WASHC5: variants seen among roughly 807,000 people sequenced by gnomAD.
The protein encoded by WASHC5 is WASH complex subunit strumpellin.
In WASHC5, 101 loss-of-function variants were observed where a neutral mutation model predicts 150.4. The observed-to-expected ratio is 0.67, with a 90% confidence interval of 0.57 to 0.79. WASHC5 has a LOEUF of 0.79. Ranked by LOEUF, WASHC5 falls within the 30% of genes least tolerant of loss-of-function variation. WASHC5 has a pLI of 0.00. For synonymous variants in WASHC5, 467 were observed against 491.2 expected, an observed-to-expected ratio of 0.95 and a Z score of 0.65; for missense variants, 1,195 against 1,396.3, an observed-to-expected ratio of 0.86 and a Z score of 2.30.
chr8:125,072,839 T>G (rs1014755587), intron 9 of WASHC5, among the ~76,000 whole-genome samples: 1 of 152,196 alleles, frequency 6.6e-6, no homozygotes, highest in Non-Finnish European at 1.5e-5. Context: ...CTATTCTGCC[T>G]ACCACAGATC....
chr8:125,088,908 T>C (rs1387501151), intron 1 of WASHC5, among the ~76,000 whole-genome samples: 1 of 152,080 alleles, frequency 6.6e-6, no homozygotes, highest in South Asian at 2.1e-4. Flanking sequence ...AGGAATGTGC[T>C]AGATGGCTAG....
At position 125,079,226 on chromosome 8, in the gene WASHC5, C is replaced by G. The variant is rs371986511; in HGVS notation, c.519-296G>C. Among the ~76,000 whole-genome samples, 15 of 103,084 alleles carry G rather than the reference C, an allele frequency of 1.5e-4. No individual in the cohort carries two copies. The East Asian group carries it at 4.4e-3, about 30-fold the overall frequency. 67.6% of individuals were successfully genotyped at this position (103,084 alleles called of 152,430 possible). On this transcript the variant is annotated intron_variant, in intron 5 of 28. Coordinates refer to ENST00000318410, the MANE Select transcript of WASHC5 (RefSeq NM_014846.4). Reference sequence around the variant, plus strand: ...TTTTTTTTTGAGATGGTGTCTTGCTCTGTCACCCAGGCTGGAGTGCAGTGG... The same window carrying G: ...TTTTTTTTTGAGATGGTGTCTTGCTGTGTCACCCAGGCTGGAGTGCAGTGG...
chr8:125,068,604 A>C (rs111805723), intron 9 of WASHC5, among the ~76,000 whole-genome samples: 172 of 152,328 alleles, frequency 1.1e-3, no homozygotes, highest in African/African-American at 3.9e-3. Context: ...CCTGTAGTGA[A>C]TCACTGAAGC....
At chr8:125,076,248 A>G in intron 7 of WASHC5, 100 bp downstream of exon 7, 1 of 1,088,154 alleles carries the variant, frequency 9.2e-7, no homozygotes, top group East Asian at 2.4e-5. Flanking sequence ...GTTATGTCCC[A>G]TTATTTACAA....
rs532020277 is a variant in WASHC5 at position 125,035,816 on chromosome 8, G to T, written c.3181+1421C>A. ...CACCCTAAAAAAGCTTATGAAATAG[G>T]AAAGTACTGTAAGGAAGAAATATAT... is the stretch of plus-strand genomic sequence containing the variant. On this transcript the variant is annotated intron_variant, in intron 26 of 28. Coordinates refer to ENST00000318410, the MANE Select transcript of WASHC5 (RefSeq NM_014846.4). Among the ~76,000 whole-genome samples the T allele has an allele frequency of 2.0e-5, 3 of 152,292 alleles. No individual in the cohort carries two copies. The South Asian group carries it at 6.2e-4, about 32-fold the overall frequency.
chr8:125,051,025 G>A (rs1464391409), intron 17 of WASHC5, among the ~76,000 whole-genome samples: 1 of 152,120 alleles, frequency 6.6e-6, no homozygotes, highest in Admixed American at 6.5e-5. Flanking sequence ...TCTTTTTGGA[G>A]GGGCAGGATG....
Position 125,039,779 on chromosome 8 carries a change from A to G in WASHC5, c.2954+16T>C, listed in dbSNP as rs773286131. 1 of 1,574,232 alleles carries G rather than the reference A, an allele frequency of 6.4e-7. No homozygotes were observed. Among genetic ancestry groups the G allele is most frequent in the South Asian group, 1.1e-5 (1 of 90,270 alleles). ...ATCCAAGCCCACGGATGGCTGTTTC[A>G]AACCCTGGCACTTACTTATTGAGAT... On this transcript the variant is annotated intron_variant, in intron 24 of 28. Coordinates refer to ENST00000318410, the MANE Select transcript of WASHC5 (RefSeq NM_014846.4).
chr8:125,055,260 TA>T (rs1393763986), intron 17 of WASHC5, among the ~76,000 whole-genome samples: 1 of 152,026 alleles, frequency 6.6e-6, no homozygotes, highest in African/African-American at 2.4e-5. Flanking sequence ...TCGTCTCTAT[TA>T]AAAATACAAA....
At chr8:125,053,512 T>TAAG (rs1277105823) in intron 17 of WASHC5, among the ~76,000 whole-genome samples, 2 of 152,186 alleles carry the variant, frequency 1.3e-5, no homozygotes, top group Non-Finnish European at 2.9e-5. Context: ...ATCCTGTGTG[T>TAAG]AAGAAGTGAC....
At chr8:125,068,336 C>A (rs761327745) in intron 9 of WASHC5, among the ~76,000 whole-genome samples, 83 of 152,284 alleles carry the variant, frequency 5.5e-4, no homozygotes, top group Non-Finnish European at 1.0e-3. Context: ...ATGTAAGCAG[C>A]CCCCAATAGA....
intron 27 of WASHC5, among the ~76,000 whole-genome samples, chr8:125,030,637 T>TTA (rs752523861): frequency 1.9e-5 from 1 of 52,788 alleles, no homozygotes; most frequent in Non-Finnish European, 3.6e-5. Flanking sequence ...CTCTTTCTCA[T>TTA]AAAAAAAAAA....
At position 125,024,539 on chromosome 8, in the gene WASHC5, T is replaced by C. The variant is rs188863489; in HGVS notation, c.*78A>G. On this transcript the variant is annotated 3_prime_UTR_variant, in exon 29 of 29. Transcript: ENST00000318410. Reference sequence around the variant, plus strand: ...ATGCAGTTGTATGAGCAACTGAGTTTCTTTTCATCTTCAAATTCATTTGTG... The same window carrying C: ...ATGCAGTTGTATGAGCAACTGAGTTCCTTTTCATCTTCAAATTCATTTGTG... The C allele has an allele frequency of 3.2e-4, 358 of 1,131,868 alleles. 3 individuals carry two copies. The highest frequency in any genetic ancestry group is 3.4e-4 in the Admixed American group (20 of 58,618). 70.1% of individuals were successfully genotyped at this position (1,131,868 alleles called of 1,614,324 possible). A position where few individuals can be genotyped will look rare whatever the true frequency, so the allele number is the denominator to read the frequency against.
intron 28 of WASHC5, among the ~76,000 whole-genome samples, chr8:125,027,121 C>T (rs1475445547): frequency 6.6e-6 from 1 of 152,036 alleles, no homozygotes; most frequent in Non-Finnish European, 1.5e-5. Flanking sequence ...GGTCCTTTTT[C>T]ACACTGTATT....
rs552854570 is a variant in WASHC5 at position 125,049,292 on chromosome 8, CT to C, written c.2200-108del. ...TAGTATAGCAGGCCAGATGCGGTGGCTCCCACCTGTAACCCCAGCACTTTGG... is the reference window on the plus strand; with the variant it reads ...TAGTATAGCAGGCCAGATGCGGTGGCCCCACCTGTAACCCCAGCACTTTGG... On this transcript the variant is annotated intron_variant, in intron 18 of 28. Transcript: ENST00000318410. The C allele has an allele frequency of 1.1e-4, 132 of 1,190,604 alleles. No individual in the cohort carries two copies. In the African/African-American group the frequency reaches 1.5e-3, roughly 13 times the overall value. 73.8% of individuals were successfully genotyped at this position (1,190,604 alleles called of 1,614,324 possible).
chr8:125,061,639 G>A (rs16900307), intron 11 of WASHC5, among the ~76,000 whole-genome samples: 4,415 of 150,936 alleles, frequency 0.029, 130 homozygotes, highest in South Asian at 0.16. Flanking sequence ...ATATCTTGGA[G>A]GGCAAAGAAG....
chr8:125,075,252 G>GGTAAGTGTTCCTGATTGTTAA, intron 7 of WASHC5, 141 bp from the exon 8 acceptor site: 1 of 679,632 alleles, frequency 1.5e-6, no homozygotes, highest in South Asian at 1.6e-5. Context: ...CAAATATATA[G>GGTAAGTGTTCCTGATTGTTAA]GTAAGTGTTC....
chr8:125,028,959 A>G (rs1441369388), intron 27 of WASHC5, among the ~76,000 whole-genome samples: 1 of 151,576 alleles, frequency 6.6e-6, no homozygotes, highest in Admixed American at 6.6e-5. Context: ...CCTGCTATCT[A>G]TCCAGACTCA....
intron 17 of WASHC5, among the ~76,000 whole-genome samples, chr8:125,054,333 T>C (rs1816339352): frequency 6.6e-6 from 1 of 152,140 alleles, no homozygotes; most frequent in Non-Finnish European, 1.5e-5. Context: ...CACAATATGG[T>C]TGAGATAAAT....
rs6470329 is a variant in WASHC5, at chr8:125,039,258, A to C, written c.2955-299T>G. On this transcript the variant is annotated intron_variant, in intron 24 of 28. Coordinates refer to ENST00000318410, the MANE Select transcript of WASHC5 (RefSeq NM_014846.4). ...CAAAAGCACTGACTTGGTGAGTGAG[A>C]AGCACAGATTATTTATCTGTAAGTA... Among the ~76,000 whole-genome samples the C allele has an allele frequency of 0.16, 24,311 of 152,162 alleles. 3,567 individuals are homozygous for C. Among genetic ancestry groups the C allele is most frequent in the African/African-American group, 0.39 (16,132 of 41,480 alleles).
Sources: allele counts gnomAD v4.1 joint callset (sites outside exome capture counted in the v4.1 genomes callset), GRCh38; gene constraint gnomAD v4.1.1; transcripts MANE v1.5; gene names NCBI Gene and HGNC (gene_info 2026-07-23, HGNC 2026-07-21).